The following TRAK1 variants were observed in gnomAD, a reference collection of about 807,000 sequenced individuals.
TRAK1 encodes trafficking kinesin protein 1, also known as trafficking kinesin-binding protein 1.
A neutral mutation model predicts 92.1 loss-of-function variants in TRAK1; 33 were observed. The ratio of observed to expected loss-of-function variants is 0.36; its 90% confidence interval spans 0.27 to 0.48. TRAK1 has a LOEUF of 0.48. TRAK1 is among the 20% of genes least tolerant of loss of function. TRAK1 has a pLI of 0.99. For synonymous variants in TRAK1, 521 were observed against 517.3 expected (o/e 1.01, Z -0.10); for missense variants, 1,123 against 1,257.9 (o/e 0.89, Z 1.62).
intron 9 of TRAK1, 105 bp downstream of exon 9, chr3:42,194,003 T>G (rs1049403826): frequency 2.7e-5 from 28 of 1,031,238 alleles, no homozygotes; most frequent in South Asian, 2.3e-4. Flanking sequence ...TGTTTTTATT[T>G]TGAATTTCAT....
intron 6 of TRAK1, among the ~76,000 whole-genome samples, chr3:42,190,238 G>T (rs895477861): frequency 1.3e-5 from 2 of 152,108 alleles, no homozygotes; most frequent in African/African-American, 2.4e-5. Flanking sequence ...TGTTTATCAG[G>T]CCCCTGTGTG....
At chr3:42,150,703 C>T (rs960530875) in intron 2 of TRAK1, among the ~76,000 whole-genome samples, 6 of 152,068 alleles carry the variant, frequency 3.9e-5, no homozygotes, top group Admixed American at 6.6e-5. Context: ...ATTTTTGCCG[C>T]GACTGTGGGT....
chr3:42,218,974 G>C, intron 14 of TRAK1: 2 of 985,420 alleles, frequency 2.0e-6, no homozygotes, highest in Non-Finnish European at 2.4e-6. Flanking sequence ...AGTGGAGCCA[G>C]CATCCCCAGG....
At chr3:42,157,503 A>C (rs1033242306) in intron 2 of TRAK1, among the ~76,000 whole-genome samples, 14 of 145,398 alleles carry the variant, frequency 9.6e-5, no homozygotes, top group Non-Finnish European at 2.1e-4. Context: ...TAACATTGGC[A>C]GTAGTGGGAC....
intron 14 of TRAK1, among the ~76,000 whole-genome samples, chr3:42,214,624 G>A (rs1281391744): frequency 6.6e-6 from 1 of 152,224 alleles, no homozygotes; most frequent in Admixed American, 6.5e-5. Flanking sequence ...AACAGGGTAG[G>A]CAACTTGGTG....
In TRAK1 at chr3:42,013,838, C is replaced by T. The variant is rs1216674459; in HGVS notation, c.-798C>T. ...GCGCGCGGGAGAGCCGGAGCGCAGC[C>T]TTAGCGTCCCCGAGAGTCTCGAACG... On this transcript the variant is annotated 5_prime_UTR_variant, in exon 1 of 17. Coordinates refer to the TRAK1 transcript ENST00000487159. The surrounding 1 kb of genome is among the most constrained non-coding windows in gnomAD (Gnocchi z 5.1). 2 of 150,458 alleles carry T rather than the reference C, an allele frequency of 1.3e-5. No homozygotes were observed. Among genetic ancestry groups the T allele is most frequent in the Non-Finnish European group, 3.0e-5 (2 of 67,214 alleles). 9.3% of individuals were successfully genotyped at this position (150,458 alleles called of 1,614,324 possible).
At chr3:42,074,324 G>C (rs935456410) in intron 1 of TRAK1, among the ~76,000 whole-genome samples, 1 of 152,202 alleles carries the variant, frequency 6.6e-6, no homozygotes, top group African/African-American at 2.4e-5. Context: ...TTACAAGAGT[G>C]CTGGGGCTGT....
At chr3:42,076,612 G>A (rs1304438997) in intron 1 of TRAK1, among the ~76,000 whole-genome samples, 1 of 152,132 alleles carries the variant, frequency 6.6e-6, no homozygotes, top group Non-Finnish European at 1.5e-5. Context: ...TTCTTTTGCT[G>A]TGCAGAAGCT....
chr3:42,031,506 C>T (rs1429971825), intron 1 of TRAK1, among the ~76,000 whole-genome samples: 1 of 104,124 alleles, frequency 9.6e-6, no homozygotes, highest in Non-Finnish European at 2.1e-5. Flanking sequence ...TGGTGGTGTG[C>T]GCCTGTAGTC....
intron 1 of TRAK1, among the ~76,000 whole-genome samples, chr3:42,025,507 G>T (rs1701878917): frequency 6.6e-6 from 1 of 152,006 alleles, no homozygotes; most frequent in Admixed American, 6.6e-5. Flanking sequence ...TTTATTTCTG[G>T]TATTTGCCTT....
At chr3:42,056,642 A>G (rs968950174) in intron 1 of TRAK1, among the ~76,000 whole-genome samples, 5 of 152,208 alleles carry the variant, frequency 3.3e-5, no homozygotes, top group Non-Finnish European at 5.9e-5. Context: ...AATTAAAAAC[A>G]TTCTTTTGTT....
chr3:42,056,418 C>A (rs1400094844), intron 1 of TRAK1, among the ~76,000 whole-genome samples: 1 of 152,122 alleles, frequency 6.6e-6, no homozygotes, highest in Non-Finnish European at 1.5e-5. Context: ...TTTTGATTTG[C>A]ATTTTCCTGA....
rs201401131 is a variant in TRAK1 at position 42,032,486 on chromosome 3, A to AAAAC, written c.-519+18372_-519+18373insCAAA. Among the ~76,000 whole-genome samples the AAAAC allele has an allele frequency of 5.6e-3, 849 of 152,112 alleles. 10 individuals carry two copies. Among genetic ancestry groups the AAAAC allele is most frequent in the African/African-American group, 0.02 (811 of 41,440 alleles). On this transcript the variant is annotated intron_variant, in intron 1 of 16. Coordinates refer to the TRAK1 transcript ENST00000487159. The stretch of plus-strand genomic sequence containing the variant: ...ACCCGGAGTGGGTCAACCTGAAAAA[A>AAAAC]AAAAAAAAAACCATCTTTGCAACCT...
At chr3:42,180,055 A>G (rs6775303) in intron 3 of TRAK1, among the ~76,000 whole-genome samples, 14,720 of 152,130 alleles carry the variant, frequency 0.097, 872 homozygotes, top group Non-Finnish European at 0.13. Flanking sequence ...TCTTGTTTTT[A>G]GAAGTAAACA....
chr3:42,169,146 CT>C (rs61450430), intron 2 of TRAK1, among the ~76,000 whole-genome samples: 13 of 148,098 alleles, frequency 8.8e-5, no homozygotes, highest in Admixed American at 1.3e-4. Context: ...TTCTTTCTTT[CT>C]TTTTTTTTTT....
At chr3:42,117,966 C>T (rs559949697) in intron 1 of TRAK1, among the ~76,000 whole-genome samples, 1 of 151,948 alleles carries the variant, frequency 6.6e-6, no homozygotes, top group African/African-American at 2.4e-5. Flanking sequence ...ATTACAGGCA[C>T]GTGCTGCCAC....
In TRAK1 at chr3:42,059,054, A is replaced by T. The variant is rs146366917; in HGVS notation, c.-518-28050A>T. Among the ~76,000 whole-genome samples the T allele has an allele frequency of 1.9e-3, 290 of 152,268 alleles. 1 individual carries two copies. Among genetic ancestry groups the T allele is most frequent in the African/African-American group, 5.1e-3 (213 of 41,556 alleles). Reference sequence around the variant, plus strand: ...TGTATGTATATGTATACACACAAATATACATACGTATGATATAAGTAGGCT... The same window carrying T: ...TGTATGTATATGTATACACACAAATTTACATACGTATGATATAAGTAGGCT... On this transcript the variant is annotated intron_variant, in intron 1 of 16. Transcript: ENST00000487159.
At chr3:42,211,736 G>A in intron 14 of TRAK1, 1 of 985,382 alleles carries the variant, frequency 1.0e-6, no homozygotes, top group Non-Finnish European at 1.2e-6. Flanking sequence ...AGAGAGAAGG[G>A]ACCAATTATG....
chr3:42,099,076 A>G (rs1706359815), intron 1 of TRAK1, among the ~76,000 whole-genome samples: 1 of 151,836 alleles, frequency 6.6e-6, no homozygotes, highest in Non-Finnish European at 1.5e-5. Flanking sequence ...TAAATTCCAG[A>G]TTTCAGAGGT....
Sources: allele counts gnomAD v4.1 joint callset (sites outside exome capture counted in the v4.1 genomes callset), GRCh38; gene constraint gnomAD v4.1.1; non-coding constraint Gnocchi (gnomAD v3.1); transcripts MANE v1.5; gene names NCBI Gene and HGNC (gene_info 2026-07-23, HGNC 2026-07-21).